The following GPR149 variants were observed in gnomAD, a reference collection of about 807,000 sequenced individuals.
The protein encoded by GPR149 is probable G protein-coupled receptor 149.
In GPR149, 50 loss-of-function variants were observed where a neutral mutation model predicts 50.2. That is an observed-to-expected ratio of 1.00 (90% CI 0.79 to 1.26). GPR149 has a LOEUF of 1.26. GPR149 is among the 50% of genes most tolerant of loss of function. GPR149 has a pLI of 0.00. For synonymous variants in GPR149, 405 were observed against 358.2 expected (o/e 1.13, Z -1.48); for missense variants, 983 against 895.4 (o/e 1.10, Z -1.25).
intron 3 of GPR149, chr3:154,352,534 T>C (rs1414855517): frequency 9.0e-6 from 7 of 774,706 alleles, no homozygotes; most frequent in Non-Finnish European, 1.7e-5. Context: ...TTAAGTTCTT[T>C]CCAGGCACAG....
rs376158838 is a variant in GPR149 at position 154,428,771 on chromosome 3, G to A, written c.845C>T (p.Ala282Val). The A allele has an allele frequency of 5.6e-6, 9 of 1,613,830 alleles. No individual in the cohort carries two copies. The highest frequency in any genetic ancestry group is 7.6e-6 in the Non-Finnish European group (9 of 1,180,024). Residue 282 changes from alanine to valine, a missense_variant, in exon 1 of 4, where the codon GCC (alanine) becomes GTC (valine). Ala to Val is a moderately conservative substitution (Grantham distance 64). Coordinates refer to ENST00000389740, the MANE Select transcript of GPR149 (RefSeq NM_001038705.3). ...DTVFGPGAPA[A>V]AGAEACRREN... is the part of the protein sequence containing the mutation. ...ACGCCTGCAGGCTTCAGCCCCAGCGGCAGCGGGCGCACCCGGTCCGAACAC... is the reference window on the plus strand; with the variant it reads ...ACGCCTGCAGGCTTCAGCCCCAGCGACAGCGGGCGCACCCGGTCCGAACAC...
In GPR149 at chr3:154,428,767, A is replaced by C; in HGVS notation, c.849T>G (p.Ala283=). 1 of 1,613,966 alleles carries C rather than the reference A, an allele frequency of 6.2e-7. No homozygotes were observed. Among genetic ancestry groups the C allele is most frequent in the Non-Finnish European group, 8.5e-7 (1 of 1,180,010 alleles). ...TVFGPGAPAA[A]GAEACRRENR... ...TCTCACGCCTGCAGGCTTCAGCCCCAGCGGCAGCGGGCGCACCCGGTCCGA... is the reference window on the plus strand; with the variant it reads ...TCTCACGCCTGCAGGCTTCAGCCCCCGCGGCAGCGGGCGCACCCGGTCCGA... The change falls in exon 1 of 4, where the codon GCT becomes GCG. Residue 283 remains alanine, a synonymous_variant. Transcript: ENST00000389740.
chr3:154,426,913 T>TGTGA (rs1491245967), intron 2 of GPR149, among the ~76,000 whole-genome samples: 3 of 127,278 alleles, frequency 2.4e-5, no homozygotes, highest in African/African-American at 8.9e-5. Context: ...TGTGTGTGTG[T>TGTGA]GAGACAGAGA....
intron 3 of GPR149, among the ~76,000 whole-genome samples, chr3:154,355,836 A>AT (rs893192038): frequency 6.6e-6 from 1 of 152,182 alleles, no homozygotes; most frequent in Admixed American, 6.5e-5. Context: ...GAAATGATAT[A>AT]TTTTCATTCG....
intron 2 of GPR149, among the ~76,000 whole-genome samples, chr3:154,424,781 C>T (rs1712247746): frequency 5.9e-5 from 9 of 151,570 alleles, no homozygotes; most frequent in Admixed American, 5.9e-4. Context: ...CTTTTAGTCA[C>T]ATCTTGCCAA....
chr3:154,422,072 C>T (rs1303841069), intron 2 of GPR149, among the ~76,000 whole-genome samples: 1 of 151,324 alleles, frequency 6.6e-6, no homozygotes, highest in Non-Finnish European at 1.5e-5. Flanking sequence ...ATAACATGTA[C>T]ATTTCTGATA....
In GPR149 at chr3:154,421,190, G is replaced by T. The variant is rs201908731; in HGVS notation, c.1472C>A (p.Ala491Glu). 98 of 1,613,386 alleles carry T rather than the reference G, an allele frequency of 6.1e-5. No individual in the cohort carries two copies. Among genetic ancestry groups the T allele is most frequent in the Admixed American group, 4.3e-4 (26 of 59,928 alleles). ...AKQDSNNKKD[A>E]FSDKTGGDIN... is the part of the protein sequence containing the mutation. ...ATCACCTCCTGTTTTGTCAGAAAAC[G>T]CATCCTTTTTGTTGTTGGAATCCTG... The change falls in exon 3 of 4, where the codon GCG becomes GAG. Residue 491 changes from alanine to glutamate, a missense_variant. By Grantham distance (107) the Ala-to-Glu change is moderately radical (BLOSUM62 -1). Transcript: ENST00000389740.
At chr3:154,382,357 T>A (rs1714945468) in intron 3 of GPR149, among the ~76,000 whole-genome samples, 1 of 152,176 alleles carries the variant, frequency 6.6e-6, no homozygotes, top group South Asian at 2.1e-4. Context: ...AGGGGTCAGA[T>A]GTAGCAGAGC....
At chr3:154,353,440 C>T (rs1239061204) in intron 3 of GPR149, 1 of 998,406 alleles carries the variant, frequency 1.0e-6, no homozygotes, top group Non-Finnish European at 1.6e-6. Flanking sequence ...TCATTAAAAT[C>T]TAAATCTAAC....
At chr3:154,353,153 A>C in intron 3 of GPR149, 2 of 1,513,994 alleles carry the variant, frequency 1.3e-6, no homozygotes, top group Non-Finnish European at 9.2e-7. Flanking sequence ...TCTCACAGAA[A>C]ATAATAGCCC....
chr3:154,392,829 T>G (rs1280954171), intron 3 of GPR149, among the ~76,000 whole-genome samples: 2 of 151,926 alleles, frequency 1.3e-5, no homozygotes, highest in African/African-American at 2.4e-5. Flanking sequence ...TTGGATTACC[T>G]GGAAGAGATA....
At chr3:154,409,108 G>T (rs1362120503) in intron 3 of GPR149, among the ~76,000 whole-genome samples, 1 of 152,178 alleles carries the variant, frequency 6.6e-6, no homozygotes, top group Non-Finnish European at 1.5e-5. Flanking sequence ...CTGCTGGGTG[G>T]CTAGACCCAG....
chr3:154,365,495 G>C (rs563551293), intron 3 of GPR149, among the ~76,000 whole-genome samples: 1 of 152,188 alleles, frequency 6.6e-6, no homozygotes, highest in East Asian at 1.9e-4. Flanking sequence ...CCATACTTTT[G>C]TTCTTTATAT....
At chr3:154,347,260 A>G (rs1006267211) in intron 3 of GPR149, among the ~76,000 whole-genome samples, 5 of 152,240 alleles carry the variant, frequency 3.3e-5, no homozygotes, top group Admixed American at 6.5e-5. Context: ...TATAAAAGAA[A>G]GAGATTTAAT....
At chr3:154,373,990 T>C (rs6782408) in intron 3 of GPR149, among the ~76,000 whole-genome samples, 38,296 of 151,864 alleles carry the variant, frequency 0.25, 5,773 homozygotes, top group East Asian at 0.68. Context: ...AGGGAAAAAA[T>C]AAACAAACAA....
At chr3:154,360,387 T>C (rs1467660818) in intron 3 of GPR149, among the ~76,000 whole-genome samples, 1 of 152,232 alleles carries the variant, frequency 6.6e-6, no homozygotes, top group Non-Finnish European at 1.5e-5. Context: ...ACACATTTTC[T>C]TGGTAGCCAC....
At chr3:154,403,611 A>G (rs916472823) in intron 3 of GPR149, among the ~76,000 whole-genome samples, 3 of 152,188 alleles carry the variant, frequency 2.0e-5, no homozygotes, top group Admixed American at 6.5e-5. Context: ...CCATGAACAC[A>G]TTGATAGGGA....
At chr3:154,426,664 T>G (rs951996354) in intron 2 of GPR149, among the ~76,000 whole-genome samples, 27 of 152,194 alleles carry the variant, frequency 1.8e-4, no homozygotes, top group Non-Finnish European at 3.5e-4. Context: ...TTTTCTTGTC[T>G]TAGCATATGG....
chr3:154,412,016 T>C (rs905114658), intron 3 of GPR149, among the ~76,000 whole-genome samples: 5 of 152,166 alleles, frequency 3.3e-5, no homozygotes, highest in African/African-American at 1.2e-4. Context: ...CAAGTGGGTT[T>C]CATACCAGGA....
Sources: allele counts gnomAD v4.1 joint callset (sites outside exome capture counted in the v4.1 genomes callset), GRCh38; gene constraint gnomAD v4.1.1; transcripts MANE v1.5; gene names NCBI Gene and HGNC (gene_info 2026-07-23, HGNC 2026-07-21).